WNT2: variants seen among roughly 807,000 people sequenced by gnomAD.
WNT2 encodes protein Wnt-2.
WNT2 carries 12 observed loss-of-function variants against 36.9 expected under a neutral mutation model. The observed-to-expected ratio is 0.33, with a 90% CI of 0.21 to 0.53. The LOEUF is 0.53. WNT2 is among the 20% of genes least tolerant of loss of function. The pLI is 0.95. For synonymous variants in WNT2, 163 were observed against 174.6 expected, an observed-to-expected ratio of 0.93 and a Z score of 0.52; for missense variants, 379 against 473.1, an observed-to-expected ratio of 0.80 and a Z score of 1.84.
intron 4 of WNT2, among the ~76,000 whole-genome samples, chr7:117,294,591 A>G (rs916082165): frequency 2.1e-4 from 21 of 100,532 alleles, no homozygotes; most frequent in Non-Finnish European, 9.9e-5. Context: ...GGAACTGGCA[A>G]CTAAAAAAAA....
At chr7:117,316,234 G>A (rs1795214865) in intron 2 of WNT2, among the ~76,000 whole-genome samples, 1 of 152,160 alleles carries the variant, frequency 6.6e-6, no homozygotes, top group African/African-American at 2.4e-5. Flanking sequence ...AGGCTGAAAG[G>A]TACATATTTC....
chr7:117,284,640 T>C lies in WNT2; in HGVS notation c.854-6256A>G, dbSNP rs1235623179. Among the ~76,000 whole-genome samples the C allele has an allele frequency of 6.6e-6, 1 of 152,166 alleles. No individual in the cohort carries two copies. Among genetic ancestry groups the C allele is most frequent in the Non-Finnish European group, 1.5e-5 (1 of 68,010 alleles). On this transcript the variant is annotated intron_variant, in intron 4 of 4. Transcript: ENST00000265441. This position sits in a 1 kb window ranked among gnomAD's most constrained non-coding sequence, Gnocchi z 5.2. The stretch of plus-strand genomic sequence containing the variant: ...CATCCTTTCTCACTTTTTTTTCCCA[T>C]TCCTTCTTCTTCTTTCTTCCTTTCC...
intron 4 of WNT2, among the ~76,000 whole-genome samples, chr7:117,296,742 T>C (rs146215003): frequency 2.0e-5 from 3 of 152,274 alleles, no homozygotes; most frequent in Non-Finnish European, 4.4e-5. Flanking sequence ...AGCTGCGGTG[T>C]TGAGGCTGAC....
At chr7:117,299,212 G>A (rs974437358) in intron 3 of WNT2, among the ~76,000 whole-genome samples, 5 of 152,136 alleles carry the variant, frequency 3.3e-5, no homozygotes, top group African/African-American at 1.2e-4. Context: ...CTCACAGGAT[G>A]GCCTGGATGG....
chr7:117,297,558 G>A, intron 4 of WNT2, 54 bp downstream of exon 4: 1 of 1,552,850 alleles, frequency 6.4e-7, no homozygotes. Context: ...TTAAATTGTG[G>A]AGTATCAATT....
intron 3 of WNT2, 86 bp downstream of exon 3, chr7:117,314,985 A>G (rs183040767): frequency 1.0e-4 from 159 of 1,541,308 alleles, no homozygotes; most frequent in Non-Finnish European, 1.3e-4. Flanking sequence ...CATTTTATCA[A>G]TTCTAGGGAA....
In WNT2 at chr7:117,297,585, A is replaced by G. The variant is rs538295268; in HGVS notation, c.853+27T>C. The G allele has an allele frequency of 3.1e-6, 5 of 1,594,566 alleles. No individual in the cohort carries two copies. The African/African-American group carries it at 6.7e-5, about 21-fold the overall frequency. ...GTATCAATTGTTGAAAGAATTAGGTACTATAAAGAAAGTCTTTTGAACTTA... is the reference window on the plus strand; with the variant it reads ...GTATCAATTGTTGAAAGAATTAGGTGCTATAAAGAAAGTCTTTTGAACTTA... On this transcript the variant is annotated intron_variant, in intron 4 of 4. Coordinates refer to ENST00000265441, the MANE Select transcript of WNT2 (RefSeq NM_003391.3).
At position 117,320,660 on chromosome 7, in the gene WNT2, T is replaced by C; in HGVS notation, c.217A>G (p.Thr73Ala). The change falls in exon 2 of 5, where the codon ACA becomes GCA. Residue 73 changes from threonine to alanine, a missense_variant. By Grantham distance (58) the Thr-to-Ala change is moderately conservative (BLOSUM62 0). Transcript: ENST00000265441. ...CGGAACTGGTGCTGGCATTCTGCTG[T>C]CCACTCGGCCACGCCCTGGCTAATG... ...RAISQGVAEW[T>A]AECQHQFRQH... The C allele has an allele frequency of 6.2e-7, 1 of 1,613,950 alleles. No homozygotes were observed. Among genetic ancestry groups the C allele is most frequent in the Non-Finnish European group, 8.5e-7 (1 of 1,179,932 alleles).
chr7:117,317,922 C>A (rs918336133), intron 2 of WNT2, among the ~76,000 whole-genome samples: 2 of 152,062 alleles, frequency 1.3e-5, no homozygotes, highest in Non-Finnish European at 2.9e-5. Context: ...GAACTAATTA[C>A]CTTTGTGTTT....
At chr7:117,313,568 A>G (rs940380331) in intron 3 of WNT2, among the ~76,000 whole-genome samples, 5 of 152,234 alleles carry the variant, frequency 3.3e-5, no homozygotes, top group African/African-American at 9.6e-5. Flanking sequence ...ATTAACATTT[A>G]TTTTGATAAG....
Position 117,315,211 on chromosome 7 carries a change from C to T in WNT2, c.448G>A (p.Gly150Ser). 6.2e-7 allele frequency: 1 copy of T among 1,614,166 alleles called. No individual in the cohort carries two copies. Among genetic ancestry groups the T allele is most frequent in the Non-Finnish European group, 8.5e-7 (1 of 1,180,020 alleles). Residue 150 changes from glycine (G) to serine (S), a missense_variant, in exon 3 of 5, where the codon GGC becomes AGC. Transcript: ENST00000265441. ...KKMGSAKDSK[G>S]IFDWGGCSDN... ...CTGCAGCCACCCCAATCAAAAATGCCTTTGCTGTCCTTGGCGCTTCCCATC... is the reference window on the plus strand; with the variant it reads ...CTGCAGCCACCCCAATCAAAAATGCTTTTGCTGTCCTTGGCGCTTCCCATC...
At chr7:117,314,964 T>C (rs1795188415) in intron 3 of WNT2, 107 bp downstream of exon 3, 1 of 1,489,666 alleles carries the variant, frequency 6.7e-7, no homozygotes, top group Admixed American at 2.1e-5. Flanking sequence ...TAGGAAGTTG[T>C]GACTACACAG....
intron 4 of WNT2, among the ~76,000 whole-genome samples, chr7:117,296,805 G>C (rs545466904): frequency 6.6e-6 from 1 of 152,162 alleles, no homozygotes; most frequent in Admixed American, 6.5e-5. Context: ...GAATGGTGTG[G>C]CTTTAATAAA....
rs866424101 is a variant in WNT2, at chr7:117,322,447, G to T, written c.83+460C>A. 1.3e-5 allele frequency among the ~76,000 whole-genome samples: 2 copies of T among 151,164 alleles called. No homozygotes were observed. The highest frequency in any genetic ancestry group is 4.9e-5 in the African/African-American group (2 of 41,066). On this transcript the variant is annotated intron_variant, in intron 1 of 4. Transcript: ENST00000265441. The surrounding 1 kb of genome is among the most constrained non-coding windows in gnomAD (Gnocchi z 5.4). Reference sequence around the variant, plus strand: ...CTTTAGGTTCTACAACTCCTGACTGGCTGAATTGGCCCGTCGATTTACCTT... The same window carrying T: ...CTTTAGGTTCTACAACTCCTGACTGTCTGAATTGGCCCGTCGATTTACCTT...
intron 3 of WNT2, among the ~76,000 whole-genome samples, chr7:117,309,803 T>C (rs1364640487): frequency 6.6e-6 from 1 of 152,188 alleles, no homozygotes; most frequent in East Asian, 1.9e-4. Context: ...ACTATCATGT[T>C]GAAAATGTAA....
chr7:117,311,801 C>A (rs1795127096), intron 3 of WNT2, among the ~76,000 whole-genome samples: 1 of 152,132 alleles, frequency 6.6e-6, no homozygotes, highest in Non-Finnish European at 1.5e-5. Context: ...TGCTATCTGC[C>A]TTACACTTGT....
chr7:117,310,792 T>C (rs926568404), intron 3 of WNT2, among the ~76,000 whole-genome samples: 3 of 152,120 alleles, frequency 2.0e-5, no homozygotes, highest in African/African-American at 4.8e-5. Context: ...ATCTCAACCA[T>C]GGGAAATCTT....
intron 3 of WNT2, among the ~76,000 whole-genome samples, chr7:117,299,816 T>C (rs1794867975): frequency 6.6e-6 from 1 of 152,178 alleles, no homozygotes; most frequent in Non-Finnish European, 1.5e-5. Flanking sequence ...CTTTCTAGTA[T>C]TGAATTTCCA....
chr7:117,281,226 G>A (rs1563197442), intron 4 of WNT2, among the ~76,000 whole-genome samples: 1 of 151,952 alleles, frequency 6.6e-6, no homozygotes, highest in African/African-American at 2.4e-5. Flanking sequence ...CAGGTTAAAG[G>A]GTCTGTTGTT....
Sources: allele counts gnomAD v4.1 joint callset (sites outside exome capture counted in the v4.1 genomes callset), GRCh38; gene constraint gnomAD v4.1.1; non-coding constraint Gnocchi (gnomAD v3.1); transcripts MANE v1.5; gene names NCBI Gene and HGNC (gene_info 2026-07-23, HGNC 2026-07-21).